DOCK1: variants seen among roughly 807,000 people sequenced by gnomAD.
DOCK1 encodes the protein dedicator of cytokinesis protein 1.
Under a neutral mutation model 262.7 loss-of-function variants are expected in DOCK1, and 138 were observed. That is an observed-to-expected ratio of 0.53 (90% CI 0.46 to 0.61). The LOEUF (loss-of-function observed/expected upper bound fraction) is 0.61. Among genes scored for constraint, DOCK1 ranks in the 20% least tolerant of loss-of-function variants. DOCK1 has a pLI of 0.00. For synonymous variants in DOCK1, 866 were observed against 867.4 expected (o/e 1.00, Z 0.03); for missense variants, 1,908 against 2,370.7 (o/e 0.80, Z 4.05).
intron 16 of DOCK1, among the ~76,000 whole-genome samples, chr10:127,031,047 G>T (rs1465884824): frequency 6.6e-6 from 1 of 152,192 alleles, no homozygotes; most frequent in African/African-American, 2.4e-5. Context: ...GAACTTTCTC[G>T]CCAAAGGCAG....
chr10:127,234,295 GA>G (rs1435372776), intron 27 of DOCK1, among the ~76,000 whole-genome samples: 2 of 152,212 alleles, frequency 1.3e-5, no homozygotes, highest in Non-Finnish European at 2.9e-5. Context: ...CAAAGTGGGG[GA>G]AAAATAGTTT....
chr10:127,116,960 A>G (rs2132958199), intron 25 of DOCK1, among the ~76,000 whole-genome samples: 1 of 152,304 alleles, frequency 6.6e-6, no homozygotes, highest in African/African-American at 2.4e-5. Flanking sequence ...TGTTTCTTTC[A>G]TGCCTTGAGA....
chr10:127,080,632 G>T (rs1035296449), intron 23 of DOCK1, among the ~76,000 whole-genome samples: 1 of 152,054 alleles, frequency 6.6e-6, no homozygotes, highest in African/African-American at 2.4e-5. Context: ...AGCTGAACAG[G>T]CTCTAGGAGG....
intron 2 of DOCK1, among the ~76,000 whole-genome samples, chr10:126,976,134 T>C (rs1485294364): frequency 6.6e-6 from 1 of 152,202 alleles, no homozygotes; most frequent in Non-Finnish European, 1.5e-5. Context: ...CTTTTTGATA[T>C]ATGAGCACTG....
intron 10 of DOCK1, among the ~76,000 whole-genome samples, chr10:127,005,333 G>GAA (rs150192399): frequency 6.9e-6 from 1 of 144,958 alleles, no homozygotes; most frequent in Non-Finnish European, 1.5e-5. Flanking sequence ...CACTCAAAAA[G>GAA]AAAAAAAAAA....
At chr10:127,297,219 G>A (rs775587538) in intron 29 of DOCK1, among the ~76,000 whole-genome samples, 5 of 152,166 alleles carry the variant, frequency 3.3e-5, no homozygotes, top group Admixed American at 6.6e-5. Context: ...GGAGGAACAC[G>A]GTCATTGACT....
intron 27 of DOCK1, among the ~76,000 whole-genome samples, chr10:127,150,587 T>A (rs1239524478): frequency 6.6e-6 from 1 of 152,238 alleles, no homozygotes; most frequent in East Asian, 1.9e-4. Context: ...CTGTCCTTAC[T>A]TCTCAAGGTT....
In DOCK1 at chr10:127,246,670, A is replaced by G. The variant is rs558508870; in HGVS notation, c.2848-1338A>G. Among the ~76,000 whole-genome samples the G allele has an allele frequency of 1.2e-3, 185 of 152,344 alleles. 2 individuals carry two copies. The highest frequency in any genetic ancestry group is 4.1e-3 in the African/African-American group (169 of 41,570). On this transcript the variant is annotated intron_variant, in intron 27 of 51. Transcript: ENST00000623213. ...ATATCATCATTATTGTGTTTGTTCA[A>G]TTTGAGTAATGCGTCCTTCGAGGAC...
chr10:127,044,579 T>C (rs1453258193), intron 21 of DOCK1, among the ~76,000 whole-genome samples: 1 of 152,204 alleles, frequency 6.6e-6, no homozygotes, highest in African/African-American at 2.4e-5. Context: ...GGAAGTGGCC[T>C]GTGGACTGCA....
chr10:127,435,339 A>T (rs2069612422), intron 48 of DOCK1, among the ~76,000 whole-genome samples: 1 of 152,186 alleles, frequency 6.6e-6, no homozygotes, highest in Non-Finnish European at 1.5e-5. Context: ...AACACACAGA[A>T]ACAAACTTCC....
At chr10:127,432,320 A>G (rs182505058) in intron 47 of DOCK1, among the ~76,000 whole-genome samples, 1 of 151,982 alleles carries the variant, frequency 6.6e-6, no homozygotes, top group Admixed American at 6.6e-5. Context: ...AAGTGGCGTT[A>G]TATTAATCTT....
intron 29 of DOCK1, among the ~76,000 whole-genome samples, chr10:127,319,990 T>G (rs1334988154): frequency 2.0e-5 from 3 of 152,120 alleles, no homozygotes; most frequent in African/African-American, 4.8e-5. Flanking sequence ...GGAACCATGA[T>G]CATCATATTA....
intron 25 of DOCK1, among the ~76,000 whole-genome samples, chr10:127,118,829 C>T (rs1462244332): frequency 2.0e-5 from 3 of 152,170 alleles, no homozygotes; most frequent in Admixed American, 2.0e-4. Context: ...ATTTTACAGA[C>T]TAGGAAACTA....
chr10:127,178,090 G>A (rs1455646345), intron 27 of DOCK1, among the ~76,000 whole-genome samples: 5 of 152,048 alleles, frequency 3.3e-5, no homozygotes, highest in Non-Finnish European at 5.9e-5. Flanking sequence ...TTCCATAAGG[G>A]GGAAGAAGAG....
chr10:127,076,064 A>G (rs74158606), intron 23 of DOCK1, among the ~76,000 whole-genome samples: 4,970 of 152,214 alleles, frequency 0.033, 262 homozygotes, highest in African/African-American at 0.11. Context: ...ACATCTTGCT[A>G]TGTGCACAGG....
At chr10:127,281,617 GC>G (rs1233071393) in intron 29 of DOCK1, among the ~76,000 whole-genome samples, 1 of 152,182 alleles carries the variant, frequency 6.6e-6, no homozygotes, top group Non-Finnish European at 1.5e-5. Flanking sequence ...GTTCCTCCTT[GC>G]CTCAGGACCC....
chr10:127,444,815 C>A (rs984479847), intron 50 of DOCK1, among the ~76,000 whole-genome samples: 1 of 152,010 alleles, frequency 6.6e-6, no homozygotes, highest in Non-Finnish European at 1.5e-5. Context: ...CAAGTTGGTT[C>A]CCTCTGGTGG....
At chr10:127,157,172 C>T (rs2053165321) in intron 27 of DOCK1, among the ~76,000 whole-genome samples, 1 of 152,188 alleles carries the variant, frequency 6.6e-6, no homozygotes, top group Admixed American at 6.5e-5. Context: ...CTAGAATGAA[C>T]TCTAAGGAGG....
At chr10:127,034,668 C>T (rs1358881762) in intron 18 of DOCK1, among the ~76,000 whole-genome samples, 1 of 152,168 alleles carries the variant, frequency 6.6e-6, no homozygotes, top group South Asian at 2.1e-4. Context: ...CACACTTTAG[C>T]ATTTCAGTAG....
Sources: allele counts gnomAD v4.1 joint callset (sites outside exome capture counted in the v4.1 genomes callset), GRCh38; gene constraint gnomAD v4.1.1; transcripts MANE v1.5; gene names NCBI Gene and HGNC (gene_info 2026-07-23, HGNC 2026-07-21).